CSMD1: variants seen among roughly 807,000 people sequenced by gnomAD.
CSMD1 encodes CUB and sushi domain-containing protein 1.
Under a neutral mutation model 417.5 loss-of-function variants are expected in CSMD1, and 213 were observed. The observed-to-expected ratio is 0.51, with a 90% CI of 0.46 to 0.57. The LOEUF (loss-of-function observed/expected upper bound fraction) is 0.57, where lower values mean the gene tolerates loss of function less well. CSMD1 is among the 20% of genes least tolerant of loss of function. The pLI is 0.00. For missense variants in CSMD1, 6,923 were observed against 4,529.7 expected, an observed-to-expected ratio of 1.53 and a Z score of -15.17; for synonymous variants, 2,862 against 1,736.8, an observed-to-expected ratio of 1.65 and a Z score of -16.11.
At position 4,596,661 on chromosome 8, in the gene CSMD1, G is replaced by T. The variant is rs557705538; in HGVS notation, c.302+40681C>A. ...TGTTGTTATTTCCTTTTAATAGTACGTTTGCTGTTTGAACACTCGGTCTAA... is the reference window on the plus strand; with the variant it reads ...TGTTGTTATTTCCTTTTAATAGTACTTTTGCTGTTTGAACACTCGGTCTAA... On this transcript the variant is annotated intron_variant, in intron 2 of 69. Transcript: ENST00000635120. Among the ~76,000 whole-genome samples the T allele has an allele frequency of 4.6e-5, 7 of 152,154 alleles. No individual in the cohort carries two copies. In the South Asian group the frequency reaches 1.2e-3, roughly 27 times the overall value.
At chr8:3,526,104 T>C (rs949932111) in intron 10 of CSMD1, among the ~76,000 whole-genome samples, 3 of 152,198 alleles carry the variant, frequency 2.0e-5, no homozygotes, top group Non-Finnish European at 4.4e-5. Flanking sequence ...AATTCAGCTT[T>C]AAAAACAGTC....
At chr8:2,989,960 T>G (rs538611146) in intron 54 of CSMD1, among the ~76,000 whole-genome samples, 2 of 152,262 alleles carry the variant, frequency 1.3e-5, no homozygotes, top group South Asian at 4.2e-4. Context: ...TGGGATATAG[T>G]AGGTGCTCAA....
chr8:3,768,553 C>T (rs912577517), intron 5 of CSMD1, among the ~76,000 whole-genome samples: 1 of 152,136 alleles, frequency 6.6e-6, no homozygotes, highest in Admixed American at 6.5e-5. Flanking sequence ...ATGGCTCAGA[C>T]ACTGCTAAAC....
intron 5 of CSMD1, among the ~76,000 whole-genome samples, chr8:3,892,915 G>T (rs541245877): frequency 1.3e-5 from 2 of 151,748 alleles, no homozygotes; most frequent in Admixed American, 1.3e-4. Flanking sequence ...AGAGCAAGAG[G>T]CCTCTCTGTG....
At chr8:3,984,198 G>T (rs1031007074) in intron 5 of CSMD1, among the ~76,000 whole-genome samples, 3 of 144,846 alleles carry the variant, frequency 2.1e-5, no homozygotes, top group South Asian at 2.2e-4. Context: ...CTCAGACTGC[G>T]CTTGCACCCA....
At chr8:4,667,140 T>A (rs576807851) in intron 1 of CSMD1, among the ~76,000 whole-genome samples, 190 of 152,326 alleles carry the variant, frequency 1.2e-3, no homozygotes, top group Non-Finnish European at 2.4e-3. Flanking sequence ...TTGTCCCCTT[T>A]CTCAAATATT....
intron 1 of CSMD1, among the ~76,000 whole-genome samples, chr8:4,729,159 G>T (rs1243789816): frequency 6.6e-6 from 1 of 152,130 alleles, no homozygotes; most frequent in Non-Finnish European, 1.5e-5. Flanking sequence ...ACAGGCTAAT[G>T]AGACGGGAGA....
chr8:4,972,453 T>C (rs1471969748), intron 1 of CSMD1, among the ~76,000 whole-genome samples: 2 of 152,178 alleles, frequency 1.3e-5, no homozygotes, highest in Admixed American at 6.5e-5. Flanking sequence ...TTGGTAGTTC[T>C]TCCTGTGTTC....
intron 3 of CSMD1, among the ~76,000 whole-genome samples, chr8:4,206,080 C>A (rs930785177): frequency 6.6e-6 from 1 of 152,010 alleles, no homozygotes; most frequent in African/African-American, 2.4e-5. Context: ...ATTCAAAGGA[C>A]AGAAAGTGAG....
intron 25 of CSMD1, among the ~76,000 whole-genome samples, chr8:3,304,599 T>G (rs1804669762): frequency 6.6e-6 from 1 of 150,620 alleles, no homozygotes; most frequent in African/African-American, 2.5e-5. Flanking sequence ...TGCTTTAAAT[T>G]TAATAGATGT....
chr8:4,037,127 A>T, intron 3 of CSMD1, among the ~76,000 whole-genome samples: 1 of 152,190 alleles, frequency 6.6e-6, no homozygotes, highest in East Asian at 1.9e-4. Flanking sequence ...GTTTTTATTA[A>T]TCTTTCTTAA....
chr8:4,856,373 C>A (rs1168662066), intron 1 of CSMD1, among the ~76,000 whole-genome samples: 2 of 144,242 alleles, frequency 1.4e-5, no homozygotes, highest in Admixed American at 1.4e-4. Context: ...AGCAAAATAA[C>A]CAGCTAACAT....
intron 3 of CSMD1, among the ~76,000 whole-genome samples, chr8:4,236,055 T>TTTTTTTTTTTTTTTG (rs1563316729): frequency 2.5e-4 from 21 of 83,730 alleles, no homozygotes; most frequent in East Asian, 3.8e-4. Context: ...TTTTTTTTTT[T>TTTTTTTTTTTTTTTG]TTTTTTTTTT....
chr8:4,354,266 T>C (rs922098998), intron 3 of CSMD1, among the ~76,000 whole-genome samples: 28 of 151,210 alleles, frequency 1.9e-4, no homozygotes, highest in African/African-American at 6.8e-4. Flanking sequence ...CACGGTGTTA[T>C]TTTATGACAA....
At chr8:3,016,706 A>G (rs990797806) in intron 52 of CSMD1, among the ~76,000 whole-genome samples, 8 of 152,172 alleles carry the variant, frequency 5.3e-5, no homozygotes, top group Non-Finnish European at 7.3e-5. Flanking sequence ...GCTGTATCCA[A>G]TATCTACAAC....
chr8:4,835,437 C>A (rs1800421887), intron 1 of CSMD1, among the ~76,000 whole-genome samples: 1 of 152,070 alleles, frequency 6.6e-6, no homozygotes, highest in Non-Finnish European at 1.5e-5. Flanking sequence ...AGAGGTAGAA[C>A]TAGTTATTTT....
At chr8:3,080,896 A>G (rs1457610374) in intron 49 of CSMD1, among the ~76,000 whole-genome samples, 1 of 152,178 alleles carries the variant, frequency 6.6e-6, no homozygotes, top group Non-Finnish European at 1.5e-5. Flanking sequence ...AATCCGAGTA[A>G]TTTTTCTCTA....
chr8:4,036,956 GGTGTGTGTGT>G (rs57139782), intron 3 of CSMD1, among the ~76,000 whole-genome samples: 1,541 of 145,930 alleles, frequency 0.011, 14 homozygotes, highest in South Asian at 0.024. Context: ...GTGAGTGTGG[GGTGTGTGTGT>G]GTGTGTGTGT....
intron 7 of CSMD1, among the ~76,000 whole-genome samples, chr8:3,679,921 G>A (rs1053836873): frequency 2.6e-5 from 4 of 152,120 alleles, no homozygotes; most frequent in Non-Finnish European, 5.9e-5. Context: ...TGAACAACTT[G>A]CTCCTGAATG....
Sources: allele counts gnomAD v4.1 joint callset (sites outside exome capture counted in the v4.1 genomes callset), GRCh38; gene constraint gnomAD v4.1.1; transcripts MANE v1.5; gene names NCBI Gene and HGNC (gene_info 2026-07-23, HGNC 2026-07-21).